ARID2: variants seen among roughly 807,000 people sequenced by gnomAD.
The protein encoded by ARID2 is AT-rich interactive domain-containing protein 2.
ARID2 carries 32 observed loss-of-function variants against 184.6 expected under a neutral mutation model. That is an observed-to-expected ratio of 0.17 (90% CI 0.13 to 0.23). ARID2 has a LOEUF of 0.23. Among genes scored for constraint, ARID2 ranks in the 10% least tolerant of loss-of-function variants. ARID2 has a pLI of 1.00. For missense variants in ARID2, 1,696 were observed against 2,197.6 expected (o/e 0.77, Z 4.56); for synonymous variants, 836 against 772.6 (o/e 1.08, Z -1.36).
At chr12:45,800,866 A>G (rs1040996545) in intron 3 of ARID2, among the ~76,000 whole-genome samples, 1 of 152,230 alleles carries the variant, frequency 6.6e-6, no homozygotes, top group Admixed American at 6.5e-5. Flanking sequence ...CAAATCTAGG[A>G]TAACTTGAGC....
chr12:45,861,580 C>CTTTTT (rs11303020), intron 16 of ARID2, among the ~76,000 whole-genome samples: 2 of 97,004 alleles, frequency 2.1e-5, no homozygotes, highest in Non-Finnish European at 2.0e-5. Flanking sequence ...AGGCATTTGT[C>CTTTTT]TTTTTTTTTT....
chr12:45,860,223 CTA>C (rs1158635481), intron 15 of ARID2, among the ~76,000 whole-genome samples: 6 of 152,196 alleles, frequency 3.9e-5, no homozygotes, highest in Non-Finnish European at 8.8e-5. Flanking sequence ...GACCCTGTCT[CTA>C]AAAATAACAA....
At chr12:45,786,579 A>T (rs1458626475) in intron 3 of ARID2, among the ~76,000 whole-genome samples, 1 of 152,204 alleles carries the variant, frequency 6.6e-6, no homozygotes, top group Admixed American at 6.5e-5. Flanking sequence ...AATAGTATGG[A>T]GGTTCCTCAA....
chr12:45,731,155 T>C (rs1940987412), intron 2 of ARID2, 62 bp from the exon 3 acceptor site: 1 of 1,204,564 alleles, frequency 8.3e-7, no homozygotes, highest in Middle Eastern at 1.9e-4. Flanking sequence ...ATTTATTTCA[T>C]AGTTAGGTTA....
intron 16 of ARID2, among the ~76,000 whole-genome samples, chr12:45,867,321 C>G (rs1592131182): frequency 6.6e-6 from 1 of 151,994 alleles, no homozygotes; most frequent in East Asian, 1.9e-4. Context: ...GGGATGATCA[C>G]AGTTCACTGT....
intron 3 of ARID2, among the ~76,000 whole-genome samples, chr12:45,775,884 A>G (rs1373121956): frequency 6.6e-6 from 1 of 152,198 alleles, no homozygotes; most frequent in African/African-American, 2.4e-5. Context: ...TAGCTGGTAA[A>G]CTTAACCTTT....
Position 45,818,392 on chromosome 12 carries a change from A to G in ARID2, c.637+504A>G, listed in dbSNP as rs147211334. Among the ~76,000 whole-genome samples the G allele has an allele frequency of 2.7e-3, 417 of 152,252 alleles. 3 individuals are homozygous for G. Among genetic ancestry groups the G allele is most frequent in the African/African-American group, 9.4e-3 (391 of 41,552 alleles). On this transcript the variant is annotated intron_variant, in intron 5 of 20. Coordinates refer to ENST00000334344, the MANE Select transcript of ARID2 (RefSeq NM_152641.4). ...TTCTTCATCTCTTCTGAAATTACCT[A>G]TTAAGGCTAGATTATCACACAGAGC... is the stretch of plus-strand genomic sequence containing the variant.
intron 4 of ARID2, among the ~76,000 whole-genome samples, chr12:45,813,937 G>GT (rs1330422948): frequency 2.0e-5 from 3 of 151,714 alleles, no homozygotes; most frequent in Non-Finnish European, 2.9e-5. Flanking sequence ...TTCTTTCTCT[G>GT]TTTTTTTCCT....
intron 3 of ARID2, among the ~76,000 whole-genome samples, chr12:45,801,024 A>G (rs1942487852): frequency 6.6e-6 from 1 of 152,210 alleles, no homozygotes; most frequent in African/African-American, 2.4e-5. Context: ...TGAAGGAATA[A>G]TGGAGTTAGA....
intron 3 of ARID2, among the ~76,000 whole-genome samples, chr12:45,760,071 A>G (rs920263976): frequency 2.0e-5 from 3 of 152,212 alleles, no homozygotes; most frequent in Non-Finnish European, 4.4e-5. Context: ...ATGAATAGCA[A>G]AGACATGAAT....
Position 45,836,893 on chromosome 12 carries a change from A to G in ARID2, c.925A>G (p.Asn309Asp). 1 of 1,614,170 alleles carries G rather than the reference A, an allele frequency of 6.2e-7. No individual in the cohort carries two copies. The highest frequency in any genetic ancestry group is 1.1e-5 in the South Asian group (1 of 91,084). The change falls in exon 8 of 21, where the codon AAT (asparagine) becomes GAT (aspartate). Residue 309 changes from asparagine to aspartate, a missense_variant. Physicochemically the swap from Asn to Asp is conservative, Grantham distance 23. This residue lies in a region of ARID2 where 86 missense variants were observed against 200.8 expected (regional missense o/e 0.43). Transcript: ENST00000334344. ...EEGNVKLLAA[N>D]RTCLRFLLLS... is the part of the protein sequence containing the mutation. ...GGGCAATGTTAAGCTCTTGGCAGCT[A>G]ATCGTACCTGTCTTCGTTTCCTATT... is the stretch of plus-strand genomic sequence containing the variant.
At chr12:45,793,053 C>G (rs772654543) in intron 3 of ARID2, among the ~76,000 whole-genome samples, 1 of 152,086 alleles carries the variant, frequency 6.6e-6, no homozygotes, top group Admixed American at 6.5e-5. Context: ...AATCCCAGCA[C>G]TTTGGGAGGC....
At chr12:45,881,787 C>A (rs1944108540) in intron 16 of ARID2, 1 of 215,940 alleles carries the variant, frequency 4.6e-6, no homozygotes, top group Non-Finnish European at 9.1e-6. Context: ...ATCAAGGGTC[C>A]TGGACTGAGA....
At chr12:45,736,744 C>A (rs1309676131) in intron 3 of ARID2, among the ~76,000 whole-genome samples, 1 of 152,168 alleles carries the variant, frequency 6.6e-6, no homozygotes, top group African/African-American at 2.4e-5. Flanking sequence ...TAATATATTT[C>A]CATGAAAAGA....
At chr12:45,860,439 C>A (rs1404338520) in intron 15 of ARID2, among the ~76,000 whole-genome samples, 1 of 151,980 alleles carries the variant, frequency 6.6e-6, no homozygotes, top group African/African-American at 2.4e-5. Flanking sequence ...TTGATCTGTT[C>A]TTGTGAAGAA....
rs529180553 is a variant in ARID2 at position 45,770,759 on chromosome 12, A to C, written c.284+39445A>C. ...GCAGAGGCACCACTCAGAGGTGGGC[A>C]CAGCAGGGTAGAAAACCAATTAGGA... On this transcript the variant is annotated intron_variant, in intron 3 of 20. Coordinates refer to ENST00000334344, the MANE Select transcript of ARID2 (RefSeq NM_152641.4). Among the ~76,000 whole-genome samples, 7 of 152,364 alleles carry C rather than the reference A, an allele frequency of 4.6e-5. No individual in the cohort carries two copies. In the East Asian group the frequency reaches 1.4e-3, roughly 29 times the overall value.
intron 3 of ARID2, among the ~76,000 whole-genome samples, chr12:45,810,934 G>A (rs1942694549): frequency 6.6e-6 from 1 of 151,938 alleles, no homozygotes; most frequent in Admixed American, 6.6e-5. Context: ...TTGAGGCCGG[G>A]CGCGGTGGCT....
chr12:45,860,728 T>G, intron 15 of ARID2, 73 bp from the exon 16 acceptor site: 3 of 1,253,960 alleles, frequency 2.4e-6, no homozygotes, highest in Non-Finnish European at 3.1e-6. Context: ...TAATCAAATT[T>G]ATAAGACTAT....
rs147391513 is a variant in ARID2, at chr12:45,787,562, A to C, written c.285-23856A>C. ...CGTGTACATATACATATTTCAAAAC[A>C]TGTTGTATACCATAAATATATACAA... On this transcript the variant is annotated intron_variant, in intron 3 of 20. Transcript: ENST00000334344. 4.7e-4 allele frequency among the ~76,000 whole-genome samples: 71 copies of C among 152,146 alleles called. 1 individual carries two copies. In the East Asian group the frequency reaches 0.013, roughly 28 times the overall value.
Sources: allele counts gnomAD v4.1 joint callset (sites outside exome capture counted in the v4.1 genomes callset), GRCh38; gene constraint gnomAD v4.1.1; regional missense constraint gnomAD v4.1.1; transcripts MANE v1.5; gene names NCBI Gene and HGNC (gene_info 2026-07-23, HGNC 2026-07-21).